The following GRIN2A variants were observed in gnomAD, a reference collection of about 807,000 sequenced individuals.
GRIN2A encodes glutamate receptor ionotropic, NMDA 2A.
A neutral mutation model predicts 113.4 loss-of-function variants in GRIN2A; 22 were observed. The ratio of observed to expected loss-of-function variants is 0.19; its 90% CI spans 0.14 to 0.28. GRIN2A has a LOEUF of 0.28. Ranked by LOEUF, GRIN2A falls within the 10% of genes least tolerant of loss-of-function variation. The pLI, the probability that GRIN2A is intolerant of heterozygous loss-of-function variation, is 1.00. For missense variants in GRIN2A, 1,502 were observed against 1,887.0 expected (o/e 0.80, Z 3.78); for synonymous variants, 827 against 738.4 (o/e 1.12, Z -1.94).
chr16:10,080,866 C>A (rs1435375293), intron 2 of GRIN2A, among the ~76,000 whole-genome samples: 1 of 152,128 alleles, frequency 6.6e-6, no homozygotes, highest in African/African-American at 2.4e-5. Flanking sequence ...TGTTTCCCAG[C>A]CACATCTCCA....
chr16:10,157,830 A>G (rs577182435), intron 2 of GRIN2A, among the ~76,000 whole-genome samples: 1 of 152,112 alleles, frequency 6.6e-6, no homozygotes, highest in Non-Finnish European at 1.5e-5. Context: ...GTAGTTTGTT[A>G]TATTTTAATA....
At chr16:10,004,690 A>G (rs1303564128) in intron 2 of GRIN2A, among the ~76,000 whole-genome samples, 1 of 152,168 alleles carries the variant, frequency 6.6e-6, no homozygotes, top group Non-Finnish European at 1.5e-5. Context: ...TTTGGTCATC[A>G]AACTGTCATC....
chr16:10,033,107 T>C (rs2046959941), intron 2 of GRIN2A, among the ~76,000 whole-genome samples: 1 of 152,128 alleles, frequency 6.6e-6, no homozygotes, highest in African/African-American at 2.4e-5. Context: ...TTCTGTGACT[T>C]TCCCAGATGC....
intron 2 of GRIN2A, among the ~76,000 whole-genome samples, chr16:9,989,164 C>T (rs2046048706): frequency 6.6e-6 from 1 of 152,116 alleles, no homozygotes; most frequent in South Asian, 2.1e-4. Context: ...GCTACAGTAA[C>T]CCAAACAGCA....
intron 4 of GRIN2A, among the ~76,000 whole-genome samples, chr16:9,888,022 C>T (rs533863787): frequency 3.9e-5 from 6 of 152,304 alleles, no homozygotes; most frequent in South Asian, 2.1e-4. Flanking sequence ...CTCACCGGAA[C>T]CTCCACCTCC....
At chr16:10,086,366 G>A (rs6497676) in intron 2 of GRIN2A, among the ~76,000 whole-genome samples, 89,234 of 151,740 alleles carry the variant, frequency 0.59, 26,951 homozygotes, top group Admixed American at 0.7. Context: ...AAAAATAATT[G>A]TTCCTTGGGC....
intron 3 of GRIN2A, among the ~76,000 whole-genome samples, chr16:9,933,941 TTGCACA>T (rs2044654475): frequency 6.6e-6 from 1 of 152,244 alleles, no homozygotes. Flanking sequence ...GGGAATACGG[TTGCACA>T]TGTATGTGTA....
rs1007541397 is a variant in GRIN2A, at chr16:10,165,649, G to A, written c.414+14349C>T. Among the ~76,000 whole-genome samples, 5 of 136,774 alleles carry A rather than the reference G, an allele frequency of 3.7e-5. No individual in the cohort carries two copies. The South Asian group carries it at 1.3e-3, about 34-fold the overall frequency. 89.7% of individuals were successfully genotyped at this position (136,774 alleles called of 152,430 possible). ...TTTCAATGCTGCTAAACAGGAGAGAGACAGAGACAGAGAGAGAGAGAAGAG... is the reference window on the plus strand; with the variant it reads ...TTTCAATGCTGCTAAACAGGAGAGAAACAGAGACAGAGAGAGAGAGAAGAG... On this transcript the variant is annotated intron_variant, in intron 2 of 12. Transcript: ENST00000330684.
intron 9 of GRIN2A, among the ~76,000 whole-genome samples, chr16:9,827,531 T>G (rs2141306745): frequency 6.6e-6 from 1 of 152,346 alleles, no homozygotes; most frequent in African/African-American, 2.4e-5. Flanking sequence ...AAGTTTTTCC[T>G]GCTTCGAAGC....
At chr16:10,151,288 C>T (rs1421747368) in intron 2 of GRIN2A, among the ~76,000 whole-genome samples, 1 of 152,204 alleles carries the variant, frequency 6.6e-6, no homozygotes, top group African/African-American at 2.4e-5. Context: ...TGAGTTCCCC[C>T]TCTTTTCCTT....
chr16:9,867,072 A>C (rs1463765103), intron 4 of GRIN2A, among the ~76,000 whole-genome samples: 1 of 152,042 alleles, frequency 6.6e-6, no homozygotes, highest in African/African-American at 2.4e-5. Flanking sequence ...CTTTATCCAT[A>C]ACATTAACAG....
chr16:9,801,403 C>T (rs1424419724), intron 10 of GRIN2A, among the ~76,000 whole-genome samples: 1 of 152,202 alleles, frequency 6.6e-6, no homozygotes, highest in Non-Finnish European at 1.5e-5. Context: ...CATTAGGGCC[C>T]TCTGTTGGAA....
intron 2 of GRIN2A, among the ~76,000 whole-genome samples, chr16:10,058,364 T>A (rs2047492167): frequency 6.6e-6 from 1 of 152,048 alleles, no homozygotes; most frequent in South Asian, 2.1e-4. Flanking sequence ...CAAAATACAG[T>A]CATAATGATG....
chr16:9,993,136 G>A (rs1470853415), intron 2 of GRIN2A, among the ~76,000 whole-genome samples: 1 of 152,120 alleles, frequency 6.6e-6, no homozygotes, highest in Non-Finnish European at 1.5e-5. Flanking sequence ...GGGAGGCTGA[G>A]GCCCAAGAAT....
chr16:10,128,762 CAG>C (rs2142209637), intron 2 of GRIN2A, among the ~76,000 whole-genome samples: 1 of 152,294 alleles, frequency 6.6e-6, no homozygotes, highest in East Asian at 1.9e-4. Flanking sequence ...AGATGCAAAA[CAG>C]ATGCAAAGAT....
intron 2 of GRIN2A, among the ~76,000 whole-genome samples, chr16:10,169,195 T>G (rs1285955911): frequency 6.6e-6 from 1 of 152,026 alleles, no homozygotes; most frequent in Non-Finnish European, 1.5e-5. Context: ...TCATTTAGAG[T>G]CTACGCAATC....
In GRIN2A at chr16:9,971,474, T is replaced by C. The variant is rs144960273; in HGVS notation, c.415-32923A>G. On this transcript the variant is annotated intron_variant, in intron 2 of 12. Transcript: ENST00000330684. ...AACTGTAGCCTCAGCTGTTATTACA[T>C]GCAGCAGAAAAACCACCTAGTAGAG... Among the ~76,000 whole-genome samples, 225 of 152,324 alleles carry C rather than the reference T, an allele frequency of 1.5e-3. 1 individual carries two copies. The highest frequency in any genetic ancestry group is 2.7e-3 in the Non-Finnish European group (184 of 68,038).
chr16:10,096,573 C>CACACACACACACA lies in GRIN2A; in HGVS notation c.414+83424_414+83425insTGTGTGTGTGTGT, dbSNP rs1555478915. Among the ~76,000 whole-genome samples, 442 of 149,352 alleles carry CACACACACACACA rather than the reference C, an allele frequency of 3.0e-3. 5 individuals are homozygous for CACACACACACACA. The highest frequency in any genetic ancestry group is 0.01 in the African/African-American group (414 of 40,718). On this transcript the variant is annotated intron_variant, in intron 2 of 12. Coordinates refer to ENST00000330684, the MANE Select transcript of GRIN2A (RefSeq NM_001134407.3). ...ACACACACACACACACACACACACA[C>CACACACACACACA]TTTACTCTCTTGGCCGGTCAGCATA...
intron 2 of GRIN2A, among the ~76,000 whole-genome samples, chr16:9,979,042 C>T (rs185168872): frequency 4.6e-5 from 7 of 152,286 alleles, no homozygotes; most frequent in East Asian, 1.9e-4. Context: ...TCTTACAATG[C>T]GGGTCCCTCA....
Sources: allele counts gnomAD v4.1 joint callset (sites outside exome capture counted in the v4.1 genomes callset), GRCh38; gene constraint gnomAD v4.1.1; transcripts MANE v1.5; gene names NCBI Gene and HGNC (gene_info 2026-07-23, HGNC 2026-07-21).